GPHN: variants seen among roughly 807,000 people sequenced by gnomAD.
GPHN encodes gephyrin.
Under a neutral mutation model 95.5 loss-of-function variants are expected in GPHN, and 17 were observed. The ratio of observed to expected loss-of-function variants is 0.18; its 90% CI spans 0.12 to 0.27. The LOEUF is 0.27. GPHN is among the 10% of genes least tolerant of loss of function. GPHN has a pLI of 1.00. For synonymous variants in GPHN, 320 were observed against 322.5 expected, an observed-to-expected ratio of 0.99 and a Z score of 0.08; for missense variants, 660 against 978.1, an observed-to-expected ratio of 0.67 and a Z score of 4.34.
chr14:67,447,219 A>G, the GPHN span: 1 of 152,180 alleles, frequency 6.6e-6, no homozygotes, highest in Non-Finnish European at 1.5e-5. Context: ...GTGTCCTTAC[A>G]TGGTGAGATG....
At chr14:66,982,949 A>C (rs1320606367) in intron 9 of GPHN, among the ~76,000 whole-genome samples, 2 of 152,158 alleles carry the variant, frequency 1.3e-5, no homozygotes, top group Non-Finnish European at 2.9e-5. Context: ...TCTTATCTAA[A>C]ATGTAATAAT....
rs11845351 is a variant in GPHN at position 66,767,019 on chromosome 14, A to G, written c.144-9445A>G. Among the ~76,000 whole-genome samples, 561 of 152,140 alleles carry G rather than the reference A, an allele frequency of 3.7e-3. 7 individuals carry two copies. Among genetic ancestry groups the G allele is most frequent in the African/African-American group, 0.013 (524 of 41,520 alleles). The stretch of plus-strand genomic sequence containing the variant: ...TTCCTTGGTCCTAATCCTCTCCTCA[A>G]ATTCCACCTTTGTCTTTATAAGTAG... On this transcript the variant is annotated intron_variant, in intron 2 of 22. Transcript: ENST00000478722.
chr14:66,938,557 G>A (rs2067242878), intron 8 of GPHN, among the ~76,000 whole-genome samples: 1 of 151,962 alleles, frequency 6.6e-6, no homozygotes, highest in African/African-American at 2.4e-5. Flanking sequence ...GCCTGAGAGA[G>A]TTTTAGAAAT....
chr14:67,179,514 A>G, intron 21 of GPHN, 64 bp from the exon 22 acceptor site: 1 of 910,756 alleles, frequency 1.1e-6, no homozygotes, highest in Non-Finnish European at 1.8e-6. Context: ...AACCCCTACT[A>G]TCTTGTATTT....
At chr14:67,256,241 A>G in the GPHN span, among the ~76,000 whole-genome samples, 1 of 151,940 alleles carries the variant, frequency 6.6e-6, no homozygotes, top group Non-Finnish European at 1.5e-5. Flanking sequence ...TAATAACTTT[A>G]TAAACATCTT....
At chr14:66,903,534 T>C (rs993383154) in intron 5 of GPHN, among the ~76,000 whole-genome samples, 2 of 152,178 alleles carry the variant, frequency 1.3e-5, no homozygotes, top group African/African-American at 4.8e-5. Context: ...TATATGTGTC[T>C]TTAGAGACGA....
At chr14:67,109,268 AG>A (rs2078232339) in intron 13 of GPHN, among the ~76,000 whole-genome samples, 1 of 152,294 alleles carries the variant, frequency 6.6e-6, no homozygotes, top group East Asian at 1.9e-4. Context: ...ATCTTTTGGC[AG>A]GGGGGATTAA....
At chr14:67,306,513 TTGTGTG>T in the GPHN span, among the ~76,000 whole-genome samples, 31 of 147,532 alleles carry the variant, frequency 2.1e-4, no homozygotes, top group Admixed American at 1.0e-3. Flanking sequence ...CTGGCTGAAT[TTGTGTG>T]TGTGTGTGTG....
At chr14:66,953,680 A>G (rs1157173139) in intron 8 of GPHN, among the ~76,000 whole-genome samples, 6 of 152,102 alleles carry the variant, frequency 3.9e-5, no homozygotes, top group Non-Finnish European at 8.8e-5. Context: ...CCATTAACCT[A>G]TGTTTGCCTT....
chr14:67,679,082 G>C, the GPHN span, among the ~76,000 whole-genome samples: 2 of 152,204 alleles, frequency 1.3e-5, no homozygotes, highest in Non-Finnish European at 2.9e-5. Flanking sequence ...AGAAGTCCAA[G>C]ATCAAGGGGC....
At chr14:67,640,339 C>T in the GPHN span, among the ~76,000 whole-genome samples, 1 of 152,104 alleles carries the variant, frequency 6.6e-6, no homozygotes, top group Non-Finnish European at 1.5e-5. Context: ...TGTATCTCAC[C>T]TTTAAGAATA....
At chr14:67,535,656 A>G in the GPHN span, among the ~76,000 whole-genome samples, 1 of 152,252 alleles carries the variant, frequency 6.6e-6, no homozygotes, top group East Asian at 1.9e-4. Flanking sequence ...CTGGGATTAC[A>G]GGCTTGAGCC....
chr14:67,652,085 G>GTGGGT, the GPHN span, among the ~76,000 whole-genome samples: 2,563 of 152,306 alleles, frequency 0.017, 34 homozygotes, highest in Non-Finnish European at 0.02. Context: ...AGTTCCATGA[G>GTGGGT]TGGGTTGTAG....
At chr14:67,221,920 T>G in the GPHN span, 5 of 1,351,110 alleles carry the variant, frequency 3.7e-6, no homozygotes, top group African/African-American at 7.3e-5. Context: ...CTAGACTTTT[T>G]GATGCATTTC....
At chr14:67,661,225 G>A in the GPHN span, among the ~76,000 whole-genome samples, 3 of 134,738 alleles carry the variant, frequency 2.2e-5, no homozygotes, top group African/African-American at 8.2e-5. Context: ...GTTTGCTGAA[G>A]CTAGAGTATG....
At chr14:67,389,536 C>G in the GPHN span, among the ~76,000 whole-genome samples, 7 of 152,110 alleles carry the variant, frequency 4.6e-5, no homozygotes, top group African/African-American at 1.7e-4. Context: ...ATCTCTTCTG[C>G]ACTGTTTCCA....
At chr14:66,583,936 G>A (rs1234609416) in intron 1 of GPHN, among the ~76,000 whole-genome samples, 2 of 152,084 alleles carry the variant, frequency 1.3e-5, no homozygotes, top group African/African-American at 4.8e-5. Flanking sequence ...GTCATTGGTA[G>A]CTTGATGGGG....
At chr14:66,774,231 T>G (rs1432146734) in intron 2 of GPHN, among the ~76,000 whole-genome samples, 1 of 151,952 alleles carries the variant, frequency 6.6e-6, no homozygotes, top group African/African-American at 2.4e-5. Flanking sequence ...CTCGATCTCC[T>G]GACCTCGTGA....
the GPHN span, among the ~76,000 whole-genome samples, chr14:67,204,021 G>A: frequency 6.6e-6 from 1 of 151,892 alleles, no homozygotes; most frequent in Non-Finnish European, 1.5e-5. Flanking sequence ...CCATTCAGAC[G>A]TTTTTATACA....
Sources: allele counts gnomAD v4.1 joint callset (sites outside exome capture counted in the v4.1 genomes callset), GRCh38; gene constraint gnomAD v4.1.1; transcripts MANE v1.5; gene names NCBI Gene and HGNC (gene_info 2026-07-23, HGNC 2026-07-21).